Variants in GALNT13 observed in about 807,000 individuals in gnomAD.
GALNT13 encodes the protein polypeptide N-acetylgalactosaminyltransferase 13.
A neutral mutation model predicts 64.2 loss-of-function variants in GALNT13; 28 were observed. That is an observed-to-expected ratio of 0.44 (90% CI 0.32 to 0.60). The LOEUF (loss-of-function observed/expected upper bound fraction) is 0.60, where lower values mean the gene tolerates loss of function less well. Ranked by LOEUF, GALNT13 falls within the 20% of genes least tolerant of loss-of-function variation. GALNT13 has a pLI of 0.05. For missense variants in GALNT13, 577 were observed against 669.8 expected (o/e 0.86, Z 1.53); for synonymous variants, 214 against 224.6 (o/e 0.95, Z 0.42).
At chr2:153,623,921 T>C in the GALNT13 span, among the ~76,000 whole-genome samples, 1 of 152,070 alleles carries the variant, frequency 6.6e-6, no homozygotes, top group African/African-American at 2.4e-5. Flanking sequence ...AATATACAAA[T>C]TGGCTTAAAT....
At chr2:153,435,470 G>A in the GALNT13 span, among the ~76,000 whole-genome samples, 1 of 151,978 alleles carries the variant, frequency 6.6e-6, no homozygotes, top group Non-Finnish European at 1.5e-5. Context: ...AGCATGGAAT[G>A]TTCTTCCATT....
intron 4 of GALNT13, among the ~76,000 whole-genome samples, chr2:154,206,695 G>T (rs1157218001): frequency 6.6e-6 from 1 of 151,784 alleles, no homozygotes; most frequent in African/African-American, 2.4e-5. Flanking sequence ...TACTCAGGAG[G>T]CTGAGGCAGG....
intron 3 of GALNT13, among the ~76,000 whole-genome samples, chr2:154,117,790 A>T (rs750344897): frequency 2.0e-5 from 3 of 152,212 alleles, no homozygotes; most frequent in Admixed American, 6.5e-5. Context: ...AGCCACATGT[A>T]AGAGAAAGAA....
intron 4 of GALNT13, among the ~76,000 whole-genome samples, chr2:154,187,507 A>G (rs562836838): frequency 2.6e-5 from 4 of 151,996 alleles, no homozygotes; most frequent in Admixed American, 2.0e-4. Context: ...TCACCTCATG[A>G]TGGTTTCGAA....
intron 9 of GALNT13, among the ~76,000 whole-genome samples, chr2:154,309,035 T>G (rs1172515522): frequency 1.3e-5 from 2 of 152,222 alleles, no homozygotes; most frequent in Admixed American, 1.3e-4. Flanking sequence ...CTTATTAAGT[T>G]CTTGTTTGTT....
At chr2:154,088,024 T>G (rs1243991236) in intron 3 of GALNT13, among the ~76,000 whole-genome samples, 1 of 152,128 alleles carries the variant, frequency 6.6e-6, no homozygotes, top group African/African-American at 2.4e-5. Flanking sequence ...CATGATATCC[T>G]TTGTGAATGA....
chr2:154,225,687 T>C (rs1688580647), intron 4 of GALNT13, among the ~76,000 whole-genome samples: 1 of 152,098 alleles, frequency 6.6e-6, no homozygotes, highest in Non-Finnish European at 1.5e-5. Context: ...TATTTTATCA[T>C]AGTTTTACGT....
At chr2:153,102,644 A>C in the GALNT13 span, among the ~76,000 whole-genome samples, 2 of 152,132 alleles carry the variant, frequency 1.3e-5, no homozygotes, top group South Asian at 4.1e-4. Context: ...GAGGTAGCAA[A>C]TAATACTCTC....
the GALNT13 span, among the ~76,000 whole-genome samples, chr2:153,245,518 C>T: frequency 2.6e-5 from 4 of 152,120 alleles, no homozygotes; most frequent in Non-Finnish European, 4.4e-5. Context: ...GGACCTTCAG[C>T]GAACTGCAGC....
At chr2:153,733,671 A>G in the GALNT13 span, among the ~76,000 whole-genome samples, 2 of 152,150 alleles carry the variant, frequency 1.3e-5, no homozygotes, top group Non-Finnish European at 2.9e-5. Flanking sequence ...TCTCCGTGTA[A>G]GGCATTTAAA....
At chr2:153,544,970 A>G in the GALNT13 span, among the ~76,000 whole-genome samples, 3 of 152,224 alleles carry the variant, frequency 2.0e-5, no homozygotes, top group African/African-American at 7.2e-5. Context: ...AGGGAGGGGT[A>G]GAAATGAAAA....
the GALNT13 span, among the ~76,000 whole-genome samples, chr2:153,380,150 A>G: frequency 9.1e-4 from 139 of 152,184 alleles, no homozygotes; most frequent in African/African-American, 3.2e-3. Context: ...GATTCAACCA[A>G]TCATTGATTG....
At chr2:153,538,328 T>C in the GALNT13 span, among the ~76,000 whole-genome samples, 39 of 31,570 alleles carry the variant, frequency 1.2e-3, no homozygotes, top group South Asian at 0.054. Context: ...TTTTAATTCT[T>C]TTTTTTTTTT....
chr2:154,200,206 G>A (rs914368145), intron 4 of GALNT13, among the ~76,000 whole-genome samples: 3 of 151,976 alleles, frequency 2.0e-5, no homozygotes, highest in Non-Finnish European at 4.4e-5. Context: ...ATTCAAGTCA[G>A]TCCTCTAAGT....
the GALNT13 span, among the ~76,000 whole-genome samples, chr2:153,577,559 A>C: frequency 6.6e-6 from 1 of 152,076 alleles, no homozygotes; most frequent in South Asian, 2.1e-4. Context: ...TGTTTTCTCC[A>C]TCAGAAAGAA....
chr2:153,613,267 G>A, the GALNT13 span, among the ~76,000 whole-genome samples: 384 of 152,308 alleles, frequency 2.5e-3, 2 homozygotes, highest in African/African-American at 8.8e-3. Context: ...AGATCAAAGA[G>A]ATTTTTGAGA....
chr2:154,338,168 C>G (rs1695559188), intron 9 of GALNT13, among the ~76,000 whole-genome samples: 1 of 152,032 alleles, frequency 6.6e-6, no homozygotes, highest in Non-Finnish European at 1.5e-5. Context: ...ATATTTTTAA[C>G]AGCACACTAT....
chr2:153,820,544 A>G, the GALNT13 span, among the ~76,000 whole-genome samples: 1 of 152,322 alleles, frequency 6.6e-6, no homozygotes, highest in Admixed American at 6.5e-5. Context: ...CAGAAACCTT[A>G]CAAAACAGAA....
At position 153,967,617 on chromosome 2, in the gene GALNT13, C is replaced by A. The variant is rs544094757; in HGVS notation, c.142+22978C>A. Among the ~76,000 whole-genome samples, 4 of 152,224 alleles carry A rather than the reference C, an allele frequency of 2.6e-5. No individual in the cohort carries two copies. The South Asian group carries it at 8.3e-4, about 32-fold the overall frequency. ...GGAGTTTTTCTCCATGTGGCACTGC[C>A]TGGAGTTGAGGGAGGGGTGATGTGG... On this transcript the variant is annotated intron_variant, in intron 3 of 12. Transcript: ENST00000392825.
Sources: allele counts gnomAD v4.1 joint callset (sites outside exome capture counted in the v4.1 genomes callset), GRCh38; gene constraint gnomAD v4.1.1; transcripts MANE v1.5; gene names NCBI Gene and HGNC (gene_info 2026-07-23, HGNC 2026-07-21).